Variants in PRKCB observed in about 807,000 individuals in gnomAD.
PRKCB encodes protein kinase C beta type.
In PRKCB, 13 loss-of-function variants were observed where a neutral mutation model predicts 81.5. The observed-to-expected ratio is 0.16, with a 90% CI of 0.10 to 0.25. PRKCB has a LOEUF of 0.25. PRKCB is among the 10% of genes least tolerant of loss of function. The probability of loss-of-function intolerance (pLI) is 1.00; values close to 1 mark genes in which losing one functional copy is unlikely to be tolerated. For missense variants in PRKCB, 509 were observed against 875.7 expected, an observed-to-expected ratio of 0.58 and a Z score of 5.29; for synonymous variants, 335 against 321.4, an observed-to-expected ratio of 1.04 and a Z score of -0.45.
chr16:24,148,262 A>T lies in PRKCB; in HGVS notation c.1066-6422A>T, dbSNP rs146665520. ...GCTTAACCATCACTTCCCGAAGAGC[A>T]TCTTTTGCTGACCCACTCAGCGATG... On this transcript the variant is annotated intron_variant, in intron 9 of 16. Transcript: ENST00000643927. 3.1e-3 allele frequency among the ~76,000 whole-genome samples: 471 copies of T among 152,280 alleles called. 4 individuals carry two copies. The highest frequency in any genetic ancestry group is 0.011 in the African/African-American group (455 of 41,564).
chr16:24,179,371 A>G (rs1967583874), intron 12 of PRKCB, among the ~76,000 whole-genome samples: 1 of 152,250 alleles, frequency 6.6e-6, no homozygotes, highest in Admixed American at 6.5e-5. Context: ...ACTAGAATAG[A>G]CAGAACCACA....
At position 24,017,376 on chromosome 16, in the gene PRKCB, A is replaced by G. The variant is rs561450556; in HGVS notation, c.289-14760A>G. On this transcript the variant is annotated intron_variant, in intron 3 of 16. Transcript: ENST00000643927. ...AATGCCAAGGGAAATGATGATTTCA[A>G]TGTAAAAAAGTGAAACCATAAAAGA... Among the ~76,000 whole-genome samples the G allele has an allele frequency of 2.6e-5, 4 of 152,346 alleles. No homozygotes were observed. The South Asian group carries it at 8.3e-4, about 32-fold the overall frequency.
At chr16:23,858,300 T>C (rs1238796175) in intron 2 of PRKCB, among the ~76,000 whole-genome samples, 1 of 106,402 alleles carries the variant, frequency 9.4e-6, no homozygotes, top group Non-Finnish European at 1.9e-5. Flanking sequence ...TTCAGGTCCA[T>C]TCGAGTCAGA....
chr16:23,871,382 C>T (rs192703097), intron 2 of PRKCB, among the ~76,000 whole-genome samples: 342 of 152,272 alleles, frequency 2.2e-3, no homozygotes, highest in Non-Finnish European at 3.0e-3. Flanking sequence ...ATGTGTGCTC[C>T]AGGCACTCTG....
intron 5 of PRKCB, among the ~76,000 whole-genome samples, chr16:24,071,436 T>TAAAAAAAAAAAA (rs398042091): frequency 1.2e-4 from 7 of 57,296 alleles, no homozygotes; most frequent in African/African-American, 4.0e-4. Flanking sequence ...AGACCCTGTC[T>TAAAAAAAAAAAA]AAAAAAAAAA....
intron 7 of PRKCB, among the ~76,000 whole-genome samples, chr16:24,096,713 A>C: frequency 7.3e-6 from 1 of 136,708 alleles, no homozygotes; most frequent in South Asian, 2.5e-4. Flanking sequence ...ATATCCTCCA[A>C]TGTTACCAAC....
chr16:23,836,437 C>A (rs1962159148), intron 1 of PRKCB, 89 bp downstream of exon 1: 5 of 1,505,926 alleles, frequency 3.3e-6, no homozygotes, highest in Non-Finnish European at 4.5e-6. Context: ...GCGCCCTCCG[C>A]GCCCTCCGCA....
chr16:23,836,800 A>G (rs1962169856), intron 1 of PRKCB, among the ~76,000 whole-genome samples: 2 of 144,624 alleles, frequency 1.4e-5, no homozygotes, highest in Admixed American at 7.0e-5. Context: ...GTCCTTCTCT[A>G]TCTCCCTGCG....
intron 3 of PRKCB, among the ~76,000 whole-genome samples, chr16:24,007,671 G>A (rs946603355): frequency 1.3e-5 from 2 of 152,160 alleles, no homozygotes; most frequent in African/African-American, 2.4e-5. Context: ...ACAGAGAGGC[G>A]AGCTGCTGGG....
At chr16:23,853,553 G>A (rs766576216) in intron 2 of PRKCB, among the ~76,000 whole-genome samples, 22 of 152,206 alleles carry the variant, frequency 1.4e-4, no homozygotes, top group Non-Finnish European at 2.6e-4. Context: ...GATGAACTCA[G>A]TAAATCTCAC....
At chr16:24,076,216 G>A (rs1372573119) in intron 5 of PRKCB, among the ~76,000 whole-genome samples, 1 of 152,200 alleles carries the variant, frequency 6.6e-6, no homozygotes, top group Admixed American at 6.5e-5. Context: ...TGGAGCATGT[G>A]AAAAGCCTTA....
intron 16 of PRKCB, among the ~76,000 whole-genome samples, chr16:24,192,073 T>C (rs1967802101): frequency 6.6e-6 from 1 of 152,232 alleles, no homozygotes; most frequent in South Asian, 2.1e-4. Flanking sequence ...ATAAACACCA[T>C]CATTGAAACC....
At chr16:24,186,013 A>T (rs546872274) in intron 15 of PRKCB, among the ~76,000 whole-genome samples, 1 of 152,306 alleles carries the variant, frequency 6.6e-6, no homozygotes, top group East Asian at 1.9e-4. Context: ...CGCCGTGTTG[A>T]GGTTAAGGAA....
intron 8 of PRKCB, among the ~76,000 whole-genome samples, chr16:24,115,827 G>T (rs920444388): frequency 1.3e-5 from 2 of 152,046 alleles, no homozygotes; most frequent in Non-Finnish European, 2.9e-5. Context: ...CTGGGTTCAC[G>T]CCATTCTCCT....
In PRKCB at chr16:23,898,817, C is replaced by G. The variant is rs529048403; in HGVS notation, c.205+61411C>G. The stretch of plus-strand genomic sequence containing the variant: ...GACCGCCTATTTGCCAGGGACCATG[C>G]GATCCTTAACTGTGTGGTTTTGATC... On this transcript the variant is annotated intron_variant, in intron 2 of 16. Transcript: ENST00000643927. Among the ~76,000 whole-genome samples, 4 of 152,248 alleles carry G rather than the reference C, an allele frequency of 2.6e-5. No homozygotes were observed. The South Asian group carries it at 8.3e-4, about 32-fold the overall frequency.
intron 2 of PRKCB, among the ~76,000 whole-genome samples, chr16:23,837,759 T>C (rs1962192145): frequency 6.6e-6 from 1 of 152,172 alleles, no homozygotes; most frequent in African/African-American, 2.4e-5. Flanking sequence ...TAGTTCCCCT[T>C]TCTCTGCCCA....
chr16:23,884,332 G>C (rs1480206766), intron 2 of PRKCB, among the ~76,000 whole-genome samples: 1 of 152,124 alleles, frequency 6.6e-6, no homozygotes, highest in Non-Finnish European at 1.5e-5. Flanking sequence ...ATATACATGG[G>C]GACATAGGAA....
At chr16:24,158,226 A>G (rs1015875755) in intron 10 of PRKCB, among the ~76,000 whole-genome samples, 8 of 152,184 alleles carry the variant, frequency 5.3e-5, no homozygotes, top group African/African-American at 1.9e-4. Context: ...ATTGAGTGAA[A>G]TGCTCCAATT....
At chr16:24,159,888 G>C (rs1967226899) in intron 10 of PRKCB, among the ~76,000 whole-genome samples, 1 of 152,034 alleles carries the variant, frequency 6.6e-6, no homozygotes, top group African/African-American at 2.4e-5. Flanking sequence ...AGGAGGCTGT[G>C]GTGGGAGGGT....
Sources: allele counts gnomAD v4.1 joint callset (sites outside exome capture counted in the v4.1 genomes callset), GRCh38; gene constraint gnomAD v4.1.1; transcripts MANE v1.5; gene names NCBI Gene and HGNC (gene_info 2026-07-23, HGNC 2026-07-21).